Variants in EFHC1 observed in about 807,000 individuals in gnomAD.
EFHC1 encodes EF-hand domain containing 1.
In EFHC1, 53 loss-of-function variants were observed where a neutral mutation model predicts 69.9. The observed-to-expected ratio is 0.76, with a 90% confidence interval of 0.61 to 0.95. EFHC1 has a LOEUF of 0.95. Ranked by LOEUF, EFHC1 falls within the 40% of genes least tolerant of loss-of-function variation. EFHC1 has a pLI of 0.00. For synonymous variants in EFHC1, 256 were observed against 278.4 expected (o/e 0.92, Z 0.80); for missense variants, 739 against 798.7 (o/e 0.93, Z 0.90).
rs549090211 is a variant in EFHC1, at chr6:52,439,159, C to T, written c.573+568C>T. Among the ~76,000 whole-genome samples, 8 of 152,130 alleles carry T rather than the reference C, an allele frequency of 5.3e-5. No individual in the cohort carries two copies. The South Asian group carries it at 1.7e-3, about 32-fold the overall frequency. On this transcript the variant is annotated intron_variant, in intron 3 of 10. Coordinates refer to ENST00000371068, the MANE Select transcript of EFHC1 (RefSeq NM_018100.4). ...TTTGGATTTTTTAATACAAAGGAAA[C>T]TTTTATTAAAGTTACATGCATAGAG...
chr6:52,423,744 G>T, intron 1 of EFHC1: 2 of 1,236,504 alleles, frequency 1.6e-6, no homozygotes, highest in South Asian at 2.7e-5. Context: ...GGGCTGAAGT[G>T]ATTCTCCCTC....
At chr6:52,474,882 G>A (rs992358039) in intron 7 of EFHC1, among the ~76,000 whole-genome samples, 2 of 152,194 alleles carry the variant, frequency 1.3e-5, no homozygotes, top group Admixed American at 1.3e-4. Context: ...GGTGGGGGAA[G>A]GATAGAATAT....
chr6:52,468,521 C>A (rs1765360711), intron 6 of EFHC1: 1 of 152,192 alleles, frequency 6.6e-6, no homozygotes, highest in African/African-American at 2.4e-5. Context: ...TTTATAGCTA[C>A]CTTCTTATTG....
rs867766053 is a variant in EFHC1 at position 52,493,798 on chromosome 6, C to T, written c.*1457C>T. On this transcript the variant is annotated 3_prime_UTR_variant, in exon 11 of 11. Transcript: ENST00000371068. ...GCTTCTCTTTGGTTGAAGTCAGCCA[C>T]TAAGTTCATCTTTAAACATGCTATC... 2.2e-6 allele frequency: 1 copy of T among 454,000 alleles called. No homozygotes were observed. The highest frequency in any genetic ancestry group is 2.0e-5 in the African/African-American group (1 of 49,988). 28.1% of individuals were successfully genotyped at this position (454,000 alleles called of 1,614,324 possible).
intron 7 of EFHC1, among the ~76,000 whole-genome samples, chr6:52,474,203 T>A (rs1324091599): frequency 6.6e-6 from 1 of 152,176 alleles, no homozygotes; most frequent in Non-Finnish European, 1.5e-5. Context: ...ATAGTCCCAG[T>A]TACCTGGGAC....
chr6:52,489,003 TGAGATTATTTGCTG>T, intron 9 of EFHC1: 2 of 152,230 alleles, frequency 1.3e-5, no homozygotes, highest in Admixed American at 6.5e-5. Context: ...ATAAATTATT[TGAGATTATTTGCTG>T]GACTTTTGCT....
At position 52,493,001 on chromosome 6, in the gene EFHC1, A is replaced by G. The variant is rs1562467246; in HGVS notation, c.*660A>G. 2.2e-6 allele frequency: 1 copy of G among 454,118 alleles called. No individual in the cohort carries two copies. The highest frequency in any genetic ancestry group is 2.0e-5 in the African/African-American group (1 of 50,132). The allele number at this position is 454,118 out of a possible 1,614,324, so 28.1% of individuals were successfully genotyped here. On this transcript the variant is annotated 3_prime_UTR_variant, in exon 11 of 11. Transcript: ENST00000371068. Reference sequence around the variant, plus strand: ...TGAATCAGAAGACTAAGTAAAACAGATAGTCCTCCCTAATGTGGGTGGGCC... The same window carrying G: ...TGAATCAGAAGACTAAGTAAAACAGGTAGTCCTCCCTAATGTGGGTGGGCC...
At chr6:52,483,975 A>G (rs1046458105) in intron 9 of EFHC1, 35 of 152,296 alleles carry the variant, frequency 2.3e-4, no homozygotes, top group African/African-American at 8.4e-4. Context: ...GACAACAGAA[A>G]AATGGGGCAG....
chr6:52,457,151 A>G (rs1203862616), intron 5 of EFHC1, among the ~76,000 whole-genome samples: 1 of 152,244 alleles, frequency 6.6e-6, no homozygotes, highest in Non-Finnish European at 1.5e-5. Flanking sequence ...TCCCATTCCT[A>G]GAATCCTATC....
chr6:52,436,922 G>A (rs902361314), intron 2 of EFHC1, among the ~76,000 whole-genome samples: 1 of 152,146 alleles, frequency 6.6e-6, no homozygotes, highest in Non-Finnish European at 1.5e-5. Flanking sequence ...GATTACAGGC[G>A]TAAGCCACCA....
intron 3 of EFHC1, among the ~76,000 whole-genome samples, chr6:52,448,837 A>G (rs1160471045): frequency 6.6e-6 from 1 of 152,154 alleles, no homozygotes; most frequent in Admixed American, 6.5e-5. Flanking sequence ...GTGTATGTTG[A>G]ACCAACTTTG....
Position 52,420,656 on chromosome 6 carries a change from T to A in EFHC1, c.63+183T>A, listed in dbSNP as rs570758716. ...TGCCGTTCTTCCCTAGCCATCCTCA[T>A]CCCCTCTCTCCGATCCTTTGCCCTC... is the stretch of plus-strand genomic sequence containing the variant. On this transcript the variant is annotated intron_variant, in intron 1 of 10. Transcript: ENST00000371068. Among the ~76,000 whole-genome samples the A allele has an allele frequency of 9.9e-5, 15 of 152,192 alleles. No homozygotes were observed. The East Asian group carries it at 2.5e-3, about 25-fold the overall frequency.
intron 9 of EFHC1, among the ~76,000 whole-genome samples, chr6:52,489,709 C>T (rs756685892): frequency 1.6e-4 from 24 of 152,150 alleles, no homozygotes; most frequent in Non-Finnish European, 3.2e-4. Flanking sequence ...AAGGTTGATT[C>T]TTGGCTACAG....
intron 2 of EFHC1, among the ~76,000 whole-genome samples, chr6:52,427,322 C>CT (rs1764322215): frequency 6.6e-6 from 1 of 152,152 alleles, no homozygotes; most frequent in Admixed American, 6.5e-5. Context: ...ATCTTGGGTC[C>CT]TTTTTCTCAC....
chr6:52,423,713 C>A, intron 1 of EFHC1: 1 of 713,454 alleles, frequency 1.4e-6, no homozygotes, highest in Non-Finnish European at 2.2e-6. Flanking sequence ...ATCTTGTTGC[C>A]CAGGCTGGTC....
At chr6:52,436,393 A>G (rs1297484251) in intron 2 of EFHC1, among the ~76,000 whole-genome samples, 1 of 151,392 alleles carries the variant, frequency 6.6e-6, no homozygotes, top group Non-Finnish European at 1.5e-5. Context: ...TTTTTTTAGC[A>G]ACAGTGTCCG....
intron 2 of EFHC1, among the ~76,000 whole-genome samples, chr6:52,434,945 C>T (rs111581906): frequency 6.6e-6 from 1 of 151,610 alleles, no homozygotes; most frequent in South Asian, 2.1e-4. Flanking sequence ...TGTGTATCTC[C>T]TTGCCTCCCA....
At chr6:52,467,911 C>T (rs565171522) in intron 6 of EFHC1, among the ~76,000 whole-genome samples, 1 of 152,152 alleles carries the variant, frequency 6.6e-6, no homozygotes, top group South Asian at 2.1e-4. Context: ...AAATGGAAAC[C>T]AGGGATAGGA....
intron 1 of EFHC1, chr6:52,423,680 TTTTTA>T: frequency 1.2e-5 from 5 of 428,424 alleles, no homozygotes; most frequent in South Asian, 8.6e-5. Flanking sequence ...TTTTTTTTTT[TTTTTA>T]GTTTTTGTAG....
Sources: gnomAD v4.1 joint callset for allele counts (sites outside exome capture counted in the v4.1 genomes callset) on GRCh38, gnomAD v4.1.1 for gene constraint, MANE v1.5 for transcripts, NCBI Gene and HGNC (gene_info 2026-07-23, HGNC 2026-07-21) for gene names.